MEGF6: variants seen among roughly 807,000 people sequenced by gnomAD.
The protein encoded by MEGF6 is multiple EGF like domains 6, also known as multiple epidermal growth factor-like domains protein 6.
Under a neutral mutation model 207.1 loss-of-function variants are expected in MEGF6, and 184 were observed. That is an observed-to-expected ratio of 0.89 (90% CI 0.79 to 1.00). MEGF6 has a LOEUF of 1.00. Ranked by LOEUF, MEGF6 falls within the 50% of genes least tolerant of loss-of-function variation. MEGF6 has a pLI of 0.00. For synonymous variants in MEGF6, 1,038 were observed against 910.0 expected (o/e 1.14, Z -2.53); for missense variants, 2,282 against 2,202.9 (o/e 1.04, Z -0.72).
At chr1:3,510,505 C>A (rs1194072156) in intron 10 of MEGF6, among the ~76,000 whole-genome samples, 1 of 149,914 alleles carries the variant, frequency 6.7e-6, no homozygotes, top group Non-Finnish European at 1.5e-5. Flanking sequence ...ACGCCCACAG[C>A]CCTGCACGCA....
At position 3,494,707 on chromosome 1, in the gene MEGF6, C is replaced by A. The variant is rs764296003; in HGVS notation, c.3906G>T (p.Glu1302Asp). 4 of 1,587,512 alleles carry A rather than the reference C, an allele frequency of 2.5e-6. No homozygotes were observed. Among genetic ancestry groups the A allele is most frequent in the Non-Finnish European group, 2.6e-6 (3 of 1,168,396 alleles). Residue 1302 changes from glutamate to aspartate, a missense_variant, in exon 31 of 37, where the codon GAG (glutamate) becomes GAT (aspartate). Transcript: ENST00000356575. ...CPQNRFGVGCEHTCSCRNGGL... is the reference protein window; with the variant it reads ...CPQNRFGVGCDHTCSCRNGGL... The stretch of plus-strand genomic sequence containing the variant: ...CCCCATTTCTGCAGGAGCAGGTGTG[C>A]TCGCAGCCCACGCCAAACCGGTTCT...
At position 3,494,202 on chromosome 1, in the gene MEGF6, G is replaced by A. The variant is rs746906642; in HGVS notation, c.4130-78C>T. 876 of 1,502,500 alleles carry A rather than the reference G, an allele frequency of 5.8e-4. 1 individual carries two copies. The highest frequency in any genetic ancestry group is 7.2e-4 in the Non-Finnish European group (816 of 1,127,044). The allele number at this position is 1,502,500 out of a possible 1,614,324, so 93.1% of individuals were successfully genotyped here. ...AGTTTGCCCAGAGTGAGTAAAACCC[G>A]CCAATCCAGGGGCCCGAGAAAAGCC... On this transcript the variant is annotated intron_variant, in intron 32 of 36. Coordinates refer to ENST00000356575, the MANE Select transcript of MEGF6 (RefSeq NM_001409.4).
At chr1:3,568,296 G>A (rs1643404334) in intron 4 of MEGF6, among the ~76,000 whole-genome samples, 1 of 148,520 alleles carries the variant, frequency 6.7e-6, no homozygotes, top group South Asian at 2.1e-4. Context: ...GTGTGCTTGG[G>A]TAAAAACCAA....
upstream of MEGF6, among the ~76,000 whole-genome samples, chr1:3,614,157 A>G (rs555211596): frequency 6.6e-6 from 1 of 152,140 alleles, no homozygotes; most frequent in Non-Finnish European, 1.5e-5. Flanking sequence ...CAGAACCCTC[A>G]TTCTCAGGCA....
In MEGF6 at chr1:3,509,359, T is replaced by C. The variant is rs559460209; in HGVS notation, c.1358-114A>G. ...ACCCCAGGGAACCCCACCACCCTCC[T>C]ACTGCCTCCACTACCCCCACCTCCT... On this transcript the variant is annotated intron_variant, in intron 11 of 36. Transcript: ENST00000356575. The C allele has an allele frequency of 3.7e-5, 33 of 895,694 alleles. No individual in the cohort carries two copies. In the African/African-American group the frequency reaches 5.5e-4, roughly 15 times the overall value. The allele number at this position is 895,694 out of a possible 1,614,324, so 55.5% of individuals were successfully genotyped here.
At chr1:3,580,047 TTCTC>T (rs1346931645) in intron 3 of MEGF6, 118 bp from the exon 4 acceptor site, 2 of 678,388 alleles carry the variant, frequency 2.9e-6, no homozygotes, top group African/African-American at 1.9e-5. Context: ...CCCAGCCCCG[TTCTC>T]TCTGTCCTAG....
intron 4 of MEGF6, among the ~76,000 whole-genome samples, chr1:3,544,660 C>T (rs1047399398): frequency 3.3e-5 from 5 of 152,188 alleles, no homozygotes; most frequent in African/African-American, 9.7e-5. Context: ...GGGTCTTGGG[C>T]CTCTCACTCT....
Position 3,611,219 on chromosome 1 carries a change from G to A in MEGF6, c.50C>T (p.Ala17Val). The A allele has an allele frequency of 6.5e-7, 1 of 1,547,108 alleles. No individual in the cohort carries two copies. Among genetic ancestry groups the A allele is most frequent in the Non-Finnish European group, 8.6e-7 (1 of 1,157,560 alleles). ...ARAAGRAVVL[A>V]LVLLLLPAVP... ...GGCGGGGAGCAGCAGCAGCACCAAC[G>A]CCAGGACCACCGCGCGCCCCGCTGC... Residue 17 changes from alanine to valine, a missense_variant, in exon 1 of 37, where the codon GCG becomes GTG. By Grantham distance (64) the Ala-to-Val change is moderately conservative. Coordinates refer to ENST00000356575, the MANE Select transcript of MEGF6 (RefSeq NM_001409.4).
chr1:3,520,380 G>T (rs1641698876), intron 5 of MEGF6, among the ~76,000 whole-genome samples: 1 of 152,220 alleles, frequency 6.6e-6, no homozygotes, highest in South Asian at 2.1e-4. Context: ...CACTCTGCAG[G>T]GTGTCACGGA....
At chr1:3,598,631 G>A (rs906256893) in intron 2 of MEGF6, among the ~76,000 whole-genome samples, 31 of 151,456 alleles carry the variant, frequency 2.0e-4, no homozygotes, top group Non-Finnish European at 3.1e-4. Flanking sequence ...CCAGCCCTCC[G>A]TTCTCCTGCA....
At chr1:3,506,403 G>A (rs895717357) in intron 14 of MEGF6, among the ~76,000 whole-genome samples, 167 bp from the exon 15 acceptor site, 7 of 152,164 alleles carry the variant, frequency 4.6e-5, no homozygotes, top group Admixed American at 4.6e-4. Flanking sequence ...TGCCCTGGCT[G>A]GTCTGTCCCC....
chr1:3,609,566 G>A (rs1018128976), intron 1 of MEGF6, among the ~76,000 whole-genome samples: 17 of 152,274 alleles, frequency 1.1e-4, no homozygotes, highest in Admixed American at 2.0e-4. Context: ...TGCAGCCAGG[G>A]AGGCTCCCCA....
rs1642135201 is a variant in MEGF6 at position 3,530,938 on chromosome 1, G to A, written c.482-6692C>T. The A allele has an allele frequency of 5.1e-6, 6 of 1,173,022 alleles. No individual in the cohort carries two copies. In the East Asian group the frequency reaches 9.7e-5, roughly 19 times the overall value. The allele number at this position is 1,173,022 out of a possible 1,614,324, so 72.7% of individuals were successfully genotyped here. A position where few individuals can be genotyped will look rare whatever the true frequency, so the allele number is the denominator to read the frequency against. ...CGGACCCTGTCCCAGAAGCAGGCGC[G>A]CCTGCCGGGCACTGCCCCGCCCTGC... On this transcript the variant is annotated intron_variant, in intron 4 of 36. Coordinates refer to ENST00000356575, the MANE Select transcript of MEGF6 (RefSeq NM_001409.4).
rs1291189025 is a variant in MEGF6 at position 3,573,444 on chromosome 1, A to G, written c.481+6381T>C. ...CGGGAAACAGTGCGGGGAGCCTGGA[A>G]CTACAGCCCAGGACCAGGGTCAGGT... On this transcript the variant is annotated intron_variant, in intron 4 of 36. Transcript: ENST00000356575. The surrounding 1 kb of genome is among the most constrained non-coding windows in gnomAD (Gnocchi z 5.1). Among the ~76,000 whole-genome samples, 2 of 152,196 alleles carry G rather than the reference A, an allele frequency of 1.3e-5. No individual in the cohort carries two copies. The highest frequency in any genetic ancestry group is 4.8e-5 in the African/African-American group (2 of 41,446).
At chr1:3,527,781 T>A (rs1161761323) in intron 4 of MEGF6, among the ~76,000 whole-genome samples, 1 of 151,940 alleles carries the variant, frequency 6.6e-6, no homozygotes, top group Admixed American at 6.6e-5. Flanking sequence ...GATCCCTCCA[T>A]CCAAGACCCC....
intron 4 of MEGF6, among the ~76,000 whole-genome samples, chr1:3,557,556 G>C (rs147311240): frequency 6.6e-6 from 1 of 152,204 alleles, no homozygotes; most frequent in African/African-American, 2.4e-5. Context: ...GCCAGCCTGC[G>C]GTAGCCAGAA....
At chr1:3,552,172 T>C (rs1642908347) in intron 4 of MEGF6, among the ~76,000 whole-genome samples, 1 of 152,202 alleles carries the variant, frequency 6.6e-6, no homozygotes, top group African/African-American at 2.4e-5. Context: ...AGCCTCCCTA[T>C]GCCCGAGCCC....
intron 8 of MEGF6, 121 bp from the exon 9 acceptor site, chr1:3,511,808 G>C: frequency 6.8e-7 from 1 of 1,466,986 alleles, no homozygotes; most frequent in Non-Finnish European, 9.2e-7. Context: ...GTGGGAAGCA[G>C]CAACATGGAG....
intron 4 of MEGF6, among the ~76,000 whole-genome samples, chr1:3,534,398 A>G (rs139518592): frequency 2.0e-5 from 3 of 152,318 alleles, no homozygotes; most frequent in South Asian, 2.1e-4. Flanking sequence ...GACAGCATGT[A>G]TGGCTTGCGT....
Sources: allele counts gnomAD v4.1 joint callset (sites outside exome capture counted in the v4.1 genomes callset), GRCh38; gene constraint gnomAD v4.1.1; non-coding constraint Gnocchi (gnomAD v3.1); transcripts MANE v1.5; gene names NCBI Gene and HGNC (gene_info 2026-07-23, HGNC 2026-07-21).